The following FTO variants were observed in gnomAD, a reference collection of about 807,000 sequenced individuals.
The protein encoded by FTO is alpha-ketoglutarate-dependent dioxygenase FTO.
Under a neutral mutation model 63.9 loss-of-function variants are expected in FTO, and 47 were observed. That is an observed-to-expected ratio of 0.74 (90% confidence interval 0.58 to 0.94). The LOEUF is 0.94. FTO is among the 40% of genes least tolerant of loss of function. The probability of loss-of-function intolerance (pLI) is 0.00; values close to 1 mark genes in which losing one functional copy is unlikely to be tolerated. For synonymous variants in FTO, 207 were observed against 224.4 expected, an observed-to-expected ratio of 0.92 and a Z score of 0.69; for missense variants, 562 against 618.1, an observed-to-expected ratio of 0.91 and a Z score of 0.96.
intron 1 of FTO, among the ~76,000 whole-genome samples, chr16:53,789,538 T>C (rs2077838686): frequency 6.6e-6 from 1 of 152,178 alleles, no homozygotes; most frequent in Non-Finnish European, 1.5e-5. Context: ...CAAAAAATCA[T>C]GTATGGTTGA....
At chr16:53,923,521 A>G (rs908419373) in intron 7 of FTO, among the ~76,000 whole-genome samples, 1 of 152,232 alleles carries the variant, frequency 6.6e-6, no homozygotes, top group African/African-American at 2.4e-5. Flanking sequence ...GAAGCATTGA[A>G]GTCAACATTT....
intron 1 of FTO, among the ~76,000 whole-genome samples, chr16:53,781,326 T>C (rs1472934107): frequency 6.6e-6 from 1 of 152,238 alleles, no homozygotes; most frequent in Admixed American, 6.5e-5. Flanking sequence ...TCAGATTCTG[T>C]CATTTATAGC....
chr16:53,940,099 A>T (rs1417332698), intron 8 of FTO, among the ~76,000 whole-genome samples: 1 of 151,854 alleles, frequency 6.6e-6, no homozygotes, highest in Non-Finnish European at 1.5e-5. Context: ...ACACCATCTT[A>T]TGTTCCCACC....
chr16:53,869,217 T>G (rs1235015925), intron 4 of FTO, among the ~76,000 whole-genome samples: 1 of 152,162 alleles, frequency 6.6e-6, no homozygotes, highest in Admixed American at 6.5e-5. Context: ...ACCTTAAGTA[T>G]TTCACTTCAC....
intron 1 of FTO, among the ~76,000 whole-genome samples, chr16:53,808,291 G>A (rs2078424027): frequency 6.6e-6 from 1 of 151,570 alleles, no homozygotes; most frequent in Admixed American, 6.6e-5. Flanking sequence ...CTGTGATTGG[G>A]CCACTACACT....
At chr16:53,855,552 T>C (rs1228491734) in intron 4 of FTO, among the ~76,000 whole-genome samples, 2 of 152,120 alleles carry the variant, frequency 1.3e-5, no homozygotes, top group African/African-American at 4.8e-5. Context: ...GGCTTTTTTT[T>C]TTCATTTCAT....
chr16:54,050,177 C>A (rs1402516129), intron 8 of FTO, among the ~76,000 whole-genome samples: 1 of 152,054 alleles, frequency 6.6e-6, no homozygotes, highest in Non-Finnish European at 1.5e-5. Context: ...TAAGGAAAGT[C>A]AATTATTTGT....
intron 8 of FTO, chr16:53,937,782 T>C (rs1255516042): frequency 6.6e-6 from 1 of 152,262 alleles, no homozygotes; most frequent in East Asian, 1.9e-4. Context: ...GGATTAAGAT[T>C]TAATGGTGAC....
chr16:53,987,110 A>G (rs1490279844), intron 8 of FTO, among the ~76,000 whole-genome samples: 1 of 152,174 alleles, frequency 6.6e-6, no homozygotes, highest in African/African-American at 2.4e-5. Flanking sequence ...AGTCGCTGGA[A>G]TACGTCTTGC....
At position 53,795,608 on chromosome 16, in the gene FTO, C is replaced by T. The variant is rs796174122; in HGVS notation, c.46-14532C>T. ...ACAGGCATGAGCCTCTATACCTGGC[C>T]AAGAAGCAAAATGTAAAGAGCCAAG... On this transcript the variant is annotated intron_variant, in intron 1 of 8. Coordinates refer to ENST00000471389, the MANE Select transcript of FTO (RefSeq NM_001080432.3). 2.9e-4 allele frequency among the ~76,000 whole-genome samples: 44 copies of T among 152,112 alleles called. No individual in the cohort carries two copies. The East Asian group carries it at 7.7e-3, about 27-fold the overall frequency.
chr16:53,921,874 T>C (rs1247200328), intron 7 of FTO, among the ~76,000 whole-genome samples: 2 of 152,140 alleles, frequency 1.3e-5, no homozygotes, highest in African/African-American at 4.8e-5. Flanking sequence ...ATATATAGCA[T>C]AACAGTATTA....
At chr16:53,765,320 G>T (rs535870390) in intron 1 of FTO, among the ~76,000 whole-genome samples, 1 of 151,756 alleles carries the variant, frequency 6.6e-6, no homozygotes, top group Non-Finnish European at 1.5e-5. Context: ...ACTTTGGAAG[G>T]CCAAGGCAGG....
intron 7 of FTO, among the ~76,000 whole-genome samples, chr16:53,923,985 G>A (rs879841467): frequency 1.7e-4 from 26 of 152,100 alleles, no homozygotes; most frequent in Admixed American, 6.6e-4. Context: ...GAGATATGGT[G>A]TAAGTGCTTT....
At chr16:53,941,526 G>A (rs182054640) in intron 8 of FTO, among the ~76,000 whole-genome samples, 16 of 152,262 alleles carry the variant, frequency 1.1e-4, no homozygotes, top group African/African-American at 3.9e-4. Flanking sequence ...ATGAGGATTG[G>A]ACGTTTGTTT....
At chr16:53,836,345 C>T (rs927875701) in intron 3 of FTO, among the ~76,000 whole-genome samples, 1 of 152,190 alleles carries the variant, frequency 6.6e-6, no homozygotes, top group African/African-American at 2.4e-5. Flanking sequence ...TGCTTCCCCA[C>T]AACAGTAAAC....
chr16:54,108,099 T>C (rs906984145), intron 8 of FTO, among the ~76,000 whole-genome samples: 27 of 152,124 alleles, frequency 1.8e-4, no homozygotes, highest in African/African-American at 6.3e-4. Context: ...ACAGGAAAAT[T>C]AGAATCCTGT....
Position 53,812,752 on chromosome 16 carries a change from G to A in FTO, c.123+2535G>A, listed in dbSNP as rs540155365. Among the ~76,000 whole-genome samples, 15 of 152,280 alleles carry A rather than the reference G, an allele frequency of 9.9e-5. No individual in the cohort carries two copies. In the South Asian group the frequency reaches 2.9e-3, roughly 29 times the overall value. Reference sequence around the variant, plus strand: ...TGGCATCTGGAAAGATTTGACAGATGTGTACAGAAATGTCATACTGCATAG... The same window carrying A: ...TGGCATCTGGAAAGATTTGACAGATATGTACAGAAATGTCATACTGCATAG... On this transcript the variant is annotated intron_variant, in intron 2 of 8. Transcript: ENST00000471389.
chr16:53,791,328 T>G (rs1392424139), intron 1 of FTO, among the ~76,000 whole-genome samples: 1 of 152,212 alleles, frequency 6.6e-6, no homozygotes, highest in African/African-American at 2.4e-5. Flanking sequence ...TAACCTTAAG[T>G]AGGCAGGATA....
At chr16:53,973,668 T>C (rs1354974017) in intron 8 of FTO, among the ~76,000 whole-genome samples, 1 of 151,880 alleles carries the variant, frequency 6.6e-6, no homozygotes, top group African/African-American at 2.4e-5. Context: ...GGGTTTCAAA[T>C]TCAGTTGCCA....
Sources: gnomAD v4.1 joint callset for allele counts (sites outside exome capture counted in the v4.1 genomes callset) on GRCh38, gnomAD v4.1.1 for gene constraint, MANE v1.5 for transcripts, NCBI Gene and HGNC (gene_info 2026-07-23, HGNC 2026-07-21) for gene names.